Variants in CPVL observed in about 807,000 individuals in gnomAD.
CPVL encodes probable serine carboxypeptidase CPVL.
CPVL carries 51 observed loss-of-function variants against 63.7 expected under a neutral mutation model. That is an observed-to-expected ratio of 0.80 (90% confidence interval 0.64 to 1.01). The LOEUF is 1.01. CPVL is among the 50% of genes least tolerant of loss of function. The probability of loss-of-function intolerance (pLI) is 0.00; values close to 1 mark genes in which losing one functional copy is unlikely to be tolerated. For missense variants in CPVL, 530 were observed against 573.1 expected (o/e 0.92, Z 0.77); for synonymous variants, 195 against 206.0 (o/e 0.95, Z 0.46).
In CPVL at chr7:29,193,746, CAGTCGGACCTGCTGCCA is replaced by C. The variant is rs554787559; in HGVS notation, c.-448+1314_-448+1330del. The C allele has an allele frequency of 1.5e-4, 23 of 152,356 alleles. 1 individual carries two copies. The East Asian group carries it at 4.1e-3, about 27-fold the overall frequency. 9.4% of individuals were successfully genotyped at this position (152,356 alleles called of 1,614,324 possible). On this transcript the variant is annotated intron_variant, in intron 1 of 16. Coordinates refer to the CPVL transcript ENST00000409850. ...GAGCAGTTCCTATCCTGAAAGGGCACAGTCGGACCTGCTGCCAAGTCTTAAGTCTTTTGTGAGAATCT... is the reference window on the plus strand; with the variant it reads ...GAGCAGTTCCTATCCTGAAAGGGCACAGTCTTAAGTCTTTTGTGAGAATCT...
At chr7:29,046,565 G>A (rs891114935) in intron 11 of CPVL, among the ~76,000 whole-genome samples, 5 of 70,526 alleles carry the variant, frequency 7.1e-5, no homozygotes, top group East Asian at 2.5e-4. Flanking sequence ...ACGTGCGCGC[G>A]TGCACACACA....
chr7:29,051,841 C>A (rs941667340), intron 11 of CPVL, among the ~76,000 whole-genome samples: 14 of 151,560 alleles, frequency 9.2e-5, no homozygotes, highest in Non-Finnish European at 1.5e-5. Context: ...GGAACCAAAA[C>A]CAACCCAAAT....
At chr7:29,136,025 C>T (rs918391771) in intron 1 of CPVL, among the ~76,000 whole-genome samples, 2 of 152,120 alleles carry the variant, frequency 1.3e-5, no homozygotes, top group African/African-American at 2.4e-5. Flanking sequence ...AAGAGGAAGA[C>T]ATGGGAGCCC....
chr7:29,091,329 A>C (rs1439782056), intron 6 of CPVL, among the ~76,000 whole-genome samples: 10 of 152,016 alleles, frequency 6.6e-5, no homozygotes, highest in Non-Finnish European at 1.2e-4. Context: ...GCATCTCTTC[A>C]ATACAGAACC....
chr7:29,158,277 C>T lies in CPVL; in HGVS notation c.-11+23013G>A, dbSNP rs540731689. Among the ~76,000 whole-genome samples, 41 of 152,294 alleles carry T rather than the reference C, an allele frequency of 2.7e-4. No homozygotes were observed. In the South Asian group the frequency reaches 6.8e-3, roughly 25 times the overall value. The stretch of plus-strand genomic sequence containing the variant: ...TGAAGGAAAAGCAGTTTATAGCACA[C>T]ACATATTTTCTTAGGACCTCAGTTT... On this transcript the variant is annotated intron_variant, in intron 5 of 16. Transcript: ENST00000409850.
At chr7:29,176,083 G>A (rs1221363830) in intron 5 of CPVL, among the ~76,000 whole-genome samples, 3 of 152,104 alleles carry the variant, frequency 2.0e-5, no homozygotes, top group Admixed American at 6.5e-5. Flanking sequence ...CTACTCGGGA[G>A]GCTGAGGCAG....
intron 1 of CPVL, among the ~76,000 whole-genome samples, chr7:29,135,196 AG>A (rs1408624475): frequency 6.6e-6 from 1 of 152,164 alleles, no homozygotes; most frequent in Admixed American, 6.5e-5. Flanking sequence ...TCAGATTTAA[AG>A]GAACCATCAA....
intron 11 of CPVL, among the ~76,000 whole-genome samples, chr7:29,033,352 CA>C (rs1788220173): frequency 6.6e-6 from 1 of 152,128 alleles, no homozygotes; most frequent in African/African-American, 2.4e-5. Context: ...AGCAGGTGGG[CA>C]CGGCATAGGG....
intron 11 of CPVL, among the ~76,000 whole-genome samples, chr7:29,033,071 C>T (rs1423043128): frequency 6.6e-6 from 1 of 152,090 alleles, no homozygotes; most frequent in African/African-American, 2.4e-5. Flanking sequence ...CTTTTGGGTA[C>T]AAATGGAAAT....
rs116885300 is a variant in CPVL at position 29,032,977 on chromosome 7, T to C, written c.1138-2218A>G. 7.6e-3 allele frequency among the ~76,000 whole-genome samples: 1,160 copies of C among 152,308 alleles called. 5 individuals are homozygous for C. The highest frequency in any genetic ancestry group is 0.011 in the Non-Finnish European group (722 of 68,012). ...TTATCTTGTTAGTCAAGACTTATCA[T>C]AACAAGAGCACCAACTCTCTGGACC... On this transcript the variant is annotated intron_variant, in intron 11 of 12. Transcript: ENST00000265394.
intron 6 of CPVL, among the ~76,000 whole-genome samples, chr7:29,089,431 C>G (rs1457911766): frequency 1.3e-5 from 2 of 152,126 alleles, no homozygotes; most frequent in East Asian, 3.9e-4. Context: ...AAAAGCCAAG[C>G]AAAGTGTACC....
intron 11 of CPVL, among the ~76,000 whole-genome samples, chr7:29,046,085 CTTTT>C (rs1233373004): frequency 1.5e-5 from 2 of 135,344 alleles, no homozygotes; most frequent in Non-Finnish European, 1.6e-5. Flanking sequence ...CTAGATGAAC[CTTTT>C]TTTTTTTTTT....
intron 5 of CPVL, among the ~76,000 whole-genome samples, chr7:29,167,379 CA>C (rs1796051283): frequency 6.6e-6 from 1 of 152,046 alleles, no homozygotes; most frequent in African/African-American, 2.4e-5. Context: ...AATGAATATT[CA>C]AAAAATTATC....
chr7:29,146,456 C>G lies in CPVL; in HGVS notation c.-38G>C. The G allele has an allele frequency of 8.0e-6, 11 of 1,380,192 alleles. No individual in the cohort carries two copies. The highest frequency in any genetic ancestry group is 1.1e-5 in the Non-Finnish European group (11 of 1,045,170). 85.5% of individuals were successfully genotyped at this position (1,380,192 alleles called of 1,614,324 possible). A position where few individuals can be genotyped will look rare whatever the true frequency, so the allele number is the denominator to read the frequency against. On this transcript the variant is annotated 5_prime_UTR_variant, in exon 1 of 13. Coordinates refer to ENST00000265394, the MANE Select transcript of CPVL (RefSeq NM_031311.5). ...GGCGCAGTCGGTGCTCCTCCCTGAGCCGCGGCGCGCAAGGACCCCAGCCGG... is the reference window on the plus strand; with the variant it reads ...GGCGCAGTCGGTGCTCCTCCCTGAGGCGCGGCGCGCAAGGACCCCAGCCGG...
chr7:29,067,154 C>G (rs529936367), intron 9 of CPVL, among the ~76,000 whole-genome samples: 1 of 152,074 alleles, frequency 6.6e-6, no homozygotes, highest in South Asian at 2.1e-4. Context: ...CAGCTGCCAG[C>G]ATTTTAGGGT....
chr7:29,121,669 C>G (rs1360137204), intron 1 of CPVL, among the ~76,000 whole-genome samples: 1 of 152,094 alleles, frequency 6.6e-6, no homozygotes, highest in Non-Finnish European at 1.5e-5. Flanking sequence ...GGTTCTCAGA[C>G]AGGTGGGAGA....
At chr7:29,029,821 A>T (rs2128152440) in intron 12 of CPVL, among the ~76,000 whole-genome samples, 1 of 152,318 alleles carries the variant, frequency 6.6e-6, no homozygotes, top group East Asian at 1.9e-4. Context: ...AATATAATGA[A>T]ATGATACATG....
intron 11 of CPVL, among the ~76,000 whole-genome samples, chr7:29,051,845 C>T (rs2128173928): frequency 6.6e-6 from 1 of 151,692 alleles, no homozygotes; most frequent in South Asian, 2.1e-4. Flanking sequence ...CCAAAACCAA[C>T]CCAAATGCCC....
intron 5 of CPVL, among the ~76,000 whole-genome samples, chr7:29,163,537 C>A (rs1795489048): frequency 6.6e-6 from 1 of 151,996 alleles, no homozygotes. Context: ...ACCTAAGAGA[C>A]AATATCCATT....
Sources: allele counts gnomAD v4.1 joint callset (sites outside exome capture counted in the v4.1 genomes callset), GRCh38; gene constraint gnomAD v4.1.1; transcripts MANE v1.5; gene names NCBI Gene and HGNC (gene_info 2026-07-23, HGNC 2026-07-21).